The following MRPL45 variants were observed in gnomAD, a reference collection of about 807,000 sequenced individuals.
MRPL45 encodes the protein mitochondrial ribosomal protein L45, also known as large ribosomal subunit protein mL45.
Under a neutral mutation model 38.1 loss-of-function variants are expected in MRPL45, and 20 were observed. That is an observed-to-expected ratio of 0.53 (90% CI 0.37 to 0.76). The LOEUF (loss-of-function observed/expected upper bound fraction) is 0.76. Among genes scored for constraint, MRPL45 ranks in the 30% least tolerant of loss-of-function variants. The pLI is 0.00. For missense variants in MRPL45, 337 were observed against 395.6 expected (o/e 0.85, Z 1.26); for synonymous variants, 105 against 128.8 (o/e 0.82, Z 1.25).
intron 3 of MRPL45, among the ~76,000 whole-genome samples, chr17:38,300,634 A>G (rs1366870918): frequency 6.6e-6 from 1 of 152,104 alleles, no homozygotes; most frequent in Non-Finnish European, 1.5e-5. Flanking sequence ...TCACATGGCC[A>G]TGACTTATTT....
intron 3 of MRPL45, among the ~76,000 whole-genome samples, chr17:38,305,424 G>A (rs1346179777): frequency 1.6e-4 from 23 of 144,700 alleles, no homozygotes; most frequent in Non-Finnish European, 3.2e-4. Context: ...CCGAGATTGC[G>A]CCACTGTACT....
chr17:38,322,268 C>T lies in MRPL45; in HGVS notation c.803C>T (p.Pro268Leu), dbSNP rs1361590581. The T allele has an allele frequency of 1.2e-6, 2 of 1,613,982 alleles. No individual in the cohort carries two copies. Among genetic ancestry groups the T allele is most frequent in the Admixed American group, 1.7e-5 (1 of 59,994 alleles). The change falls in exon 7 of 8, where the codon CCA (proline) becomes CTA (leucine). Residue 268 changes from proline (P) to leucine (L), a missense_variant. Pro to Leu is a moderately conservative substitution (Grantham distance 98). This residue lies in a region of MRPL45 where 251 missense variants were observed against 269.1 expected (regional missense o/e 0.93). Transcript: ENST00000613675. The stretch of plus-strand genomic sequence containing the variant: ...AGAATGCATACCAAGATCGTTCCCC[C>T]ATGGGCACCCCCTAAGCAGCCCATC... ...SWRMHTKIVPPWAPPKQPILK... is the reference protein window; with the variant it reads ...SWRMHTKIVPLWAPPKQPILK...
intron 6 of MRPL45, among the ~76,000 whole-genome samples, chr17:38,320,989 T>C (rs1420321841): frequency 2.3e-5 from 3 of 132,900 alleles, no homozygotes; most frequent in East Asian, 2.3e-4. Context: ...TTTTTTTTTT[T>C]CCCCCAAGAC....
rs549820242 is a variant in MRPL45 at position 38,297,299 on chromosome 17, G to C, written c.66+50G>C. 8.5e-6 allele frequency: 13 copies of C among 1,535,062 alleles called. No homozygotes were observed. The African/African-American group carries it at 1.6e-4, about 19-fold the overall frequency. ...ACCCTAGGGGCTACAGGAGAGGACA[G>C]AGTCGAGGGAAATACTCTCTGTGCA... On this transcript the variant is annotated intron_variant, in intron 1 of 7. Coordinates refer to ENST00000613675, the MANE Select transcript of MRPL45 (RefSeq NM_032351.6).
chr17:38,300,631 G>A (rs1305559232), intron 3 of MRPL45, among the ~76,000 whole-genome samples: 1 of 152,066 alleles, frequency 6.6e-6, no homozygotes, highest in African/African-American at 2.4e-5. Flanking sequence ...TCTTCACATG[G>A]CCATGACTTA....
chr17:38,317,649 G>T (rs1037260153), intron 4 of MRPL45, among the ~76,000 whole-genome samples: 1 of 151,776 alleles, frequency 6.6e-6, no homozygotes, highest in African/African-American at 2.4e-5. Context: ...TCAGCTCACC[G>T]CAACCTCCGC....
At chr17:38,301,473 C>T (rs2036994704) in intron 3 of MRPL45, among the ~76,000 whole-genome samples, 1 of 152,116 alleles carries the variant, frequency 6.6e-6, no homozygotes, top group Non-Finnish European at 1.5e-5. Context: ...CTCCCGACCT[C>T]AGGTGATCCG....
At chr17:38,310,996 C>T (rs1475783358) in intron 4 of MRPL45, among the ~76,000 whole-genome samples, 1 of 151,920 alleles carries the variant, frequency 6.6e-6, no homozygotes, top group African/African-American at 2.4e-5. Flanking sequence ...TTAATAATAG[C>T]TTTTATATAT....
In MRPL45 at chr17:38,322,500, C is replaced by G. The variant is rs1292968047; in HGVS notation, c.835-9C>G. Reference sequence around the variant, plus strand: ...GGTTGGTGGGTAACCTGGCGTCCTACTCTTTCAGACGGTGATGATCCCTGG... The same window carrying G: ...GGTTGGTGGGTAACCTGGCGTCCTAGTCTTTCAGACGGTGATGATCCCTGG... On this transcript the variant is annotated splice_polypyrimidine_tract_variant and intron_variant, in intron 7 of 7. Transcript: ENST00000613675. 6.2e-7 allele frequency: 1 copy of G among 1,612,704 alleles called. No individual in the cohort carries two copies. The highest frequency in any genetic ancestry group is 1.1e-5 in the South Asian group (1 of 90,934).
At chr17:38,312,769 AG>A (rs1399570413) in intron 4 of MRPL45, among the ~76,000 whole-genome samples, 3 of 151,616 alleles carry the variant, frequency 2.0e-5, no homozygotes, top group Non-Finnish European at 4.4e-5. Context: ...GCTTGAGCTC[AG>A]GGATTTTTGA....
In MRPL45 at chr17:38,306,638, G is replaced by C; in HGVS notation, c.461+7G>C. 6.2e-7 allele frequency: 1 copy of C among 1,613,382 alleles called. No individual in the cohort carries two copies. The highest frequency in any genetic ancestry group is 8.5e-7 in the Non-Finnish European group (1 of 1,179,798). Reference sequence around the variant, plus strand: ...CTCACCTTTGTCTAAATAAGTAAGTGAACTCCCTATCTTTACCCATTCTGT... The same window carrying C: ...CTCACCTTTGTCTAAATAAGTAAGTCAACTCCCTATCTTTACCCATTCTGT... On this transcript the variant is annotated splice_region_variant and intron_variant, in intron 4 of 7. Transcript: ENST00000613675.
chr17:38,304,684 C>T (rs1470783157), intron 3 of MRPL45, among the ~76,000 whole-genome samples: 2 of 152,030 alleles, frequency 1.3e-5, no homozygotes, highest in Non-Finnish European at 2.9e-5. Context: ...GCTGGGACTA[C>T]GGGCGCCTGC....
rs150976032 is a variant in MRPL45, at chr17:38,300,162, C to T, written c.362+694C>T. ...GCCTCCCGAGTAGCTGGACTACAGA[C>T]GCATGCCACCACGCCCAGCTAATTT... On this transcript the variant is annotated intron_variant, in intron 3 of 7. Coordinates refer to ENST00000613675, the MANE Select transcript of MRPL45 (RefSeq NM_032351.6). Among the ~76,000 whole-genome samples, 1,251 of 151,972 alleles carry T rather than the reference C, an allele frequency of 8.2e-3. 15 individuals are homozygous for T. The highest frequency in any genetic ancestry group is 0.027 in the Middle Eastern group (8 of 294).
At chr17:38,301,344 C>T (rs1205681771) in intron 3 of MRPL45, among the ~76,000 whole-genome samples, 7 of 152,202 alleles carry the variant, frequency 4.6e-5, no homozygotes, top group Non-Finnish European at 5.9e-5. Flanking sequence ...TGGGTTGAAG[C>T]GATTCTCCTG....
rs2037222404 is a variant in MRPL45, at chr17:38,320,786, C to T, written c.660+19C>T. 1 of 1,612,626 alleles carries T rather than the reference C, an allele frequency of 6.2e-7. No homozygotes were observed. Among genetic ancestry groups the T allele is most frequent in the Admixed American group, 1.7e-5 (1 of 59,974 alleles). The stretch of plus-strand genomic sequence containing the variant: ...CCGGCAGGTAGAGGCACTCGTCTGC[C>T]TTCCTCCCAGCTTTTTTTCACTCTG... On this transcript the variant is annotated intron_variant, in intron 6 of 7. Coordinates refer to ENST00000613675, the MANE Select transcript of MRPL45 (RefSeq NM_032351.6).
At chr17:38,318,063 G>A (rs951017219) in intron 4 of MRPL45, among the ~76,000 whole-genome samples, 1 of 151,664 alleles carries the variant, frequency 6.6e-6, no homozygotes, top group African/African-American at 2.4e-5. Flanking sequence ...CAAAAATTAG[G>A]TGGGCGTCAT....
chr17:38,315,660 C>T (rs1485983714), intron 4 of MRPL45, among the ~76,000 whole-genome samples: 1 of 150,892 alleles, frequency 6.6e-6, no homozygotes, highest in East Asian at 1.9e-4. Context: ...GTTTATCTTG[C>T]TAGGAGGTTT....
intron 3 of MRPL45, among the ~76,000 whole-genome samples, chr17:38,300,312 A>G (rs2036980646): frequency 2.0e-5 from 3 of 151,890 alleles, no homozygotes; most frequent in Admixed American, 1.3e-4. Context: ...CACTGCGCCC[A>G]GCCGACCTGG....
chr17:38,297,762 A>G (rs1306254664), intron 1 of MRPL45, among the ~76,000 whole-genome samples: 1 of 152,136 alleles, frequency 6.6e-6, no homozygotes, highest in African/African-American at 2.4e-5. Flanking sequence ...ACGAGTACAT[A>G]TGGAGCAGAT....
Sources: allele counts gnomAD v4.1 joint callset (sites outside exome capture counted in the v4.1 genomes callset), GRCh38; gene constraint gnomAD v4.1.1; regional missense constraint gnomAD v4.1.1; transcripts MANE v1.5; gene names NCBI Gene and HGNC (gene_info 2026-07-23, HGNC 2026-07-21).